The following FAF1 variants were observed in gnomAD, a reference collection of about 807,000 sequenced individuals.
The protein encoded by FAF1 is FAS-associated factor 1.
A neutral mutation model predicts 92.5 loss-of-function variants in FAF1; 25 were observed. The observed-to-expected ratio is 0.27, with a 90% confidence interval of 0.20 to 0.38. FAF1 has a LOEUF of 0.38. FAF1 is among the 10% of genes least tolerant of loss of function. The pLI, the probability that FAF1 is intolerant of heterozygous loss-of-function variation, is 1.00. For missense variants in FAF1, 636 were observed against 793.3 expected, an observed-to-expected ratio of 0.80 and a Z score of 2.38; for synonymous variants, 234 against 273.2, an observed-to-expected ratio of 0.86 and a Z score of 1.42.
chr1:50,522,210 G>A (rs527833818), intron 15 of FAF1, among the ~76,000 whole-genome samples: 1 of 152,142 alleles, frequency 6.6e-6, no homozygotes, highest in African/African-American at 2.4e-5. Context: ...ACCTAATCTT[G>A]GTAAGAGCAC....
intron 1 of FAF1, among the ~76,000 whole-genome samples, chr1:50,901,350 A>G (rs1470574604): frequency 6.6e-6 from 1 of 152,164 alleles, no homozygotes; most frequent in Non-Finnish European, 1.5e-5. Context: ...AAGTAATTTT[A>G]TTATAAATAA....
chr1:50,731,650 G>C (rs1658930281), intron 6 of FAF1, among the ~76,000 whole-genome samples: 1 of 152,064 alleles, frequency 6.6e-6, no homozygotes, highest in African/African-American at 2.4e-5. Flanking sequence ...TTACAGGCAT[G>C]AGCCACCGCG....
At chr1:50,843,200 G>A (rs902334518) in intron 2 of FAF1, among the ~76,000 whole-genome samples, 3 of 152,074 alleles carry the variant, frequency 2.0e-5, no homozygotes, top group Admixed American at 6.5e-5. Flanking sequence ...ATTGAGGGCC[G>A]TGTGTCACAT....
At chr1:50,535,260 TTCA>T in intron 15 of FAF1, 106 bp downstream of exon 15, 1 of 719,946 alleles carries the variant, frequency 1.4e-6, no homozygotes, top group Non-Finnish European at 2.3e-6. Flanking sequence ...GAAATGCATC[TTCA>T]TCATCCTTAT....
At chr1:50,659,754 A>G (rs1378297506) in intron 7 of FAF1, among the ~76,000 whole-genome samples, 1 of 152,196 alleles carries the variant, frequency 6.6e-6, no homozygotes, top group Non-Finnish European at 1.5e-5. Context: ...CTGTATTTGG[A>G]TCTAGAGTTC....
chr1:50,907,600 A>G (rs1450831042), intron 1 of FAF1, among the ~76,000 whole-genome samples: 1 of 152,118 alleles, frequency 6.6e-6, no homozygotes, highest in Non-Finnish European at 1.5e-5. Context: ...TTCCTGGTTT[A>G]GTCTTGGGAG....
intron 1 of FAF1, among the ~76,000 whole-genome samples, chr1:50,887,493 G>T (rs1333367829): frequency 6.6e-6 from 1 of 152,044 alleles, no homozygotes; most frequent in Non-Finnish European, 1.5e-5. Context: ...TTTCTTCTAG[G>T]GTTTTTATGG....
chr1:50,665,492 C>T (rs1655576812), intron 7 of FAF1, among the ~76,000 whole-genome samples: 2 of 152,138 alleles, frequency 1.3e-5, no homozygotes, highest in Admixed American at 1.3e-4. Flanking sequence ...AAATAAAATA[C>T]TGTGCGGTTA....
chr1:50,544,432 C>T (rs1288364091), intron 13 of FAF1, among the ~76,000 whole-genome samples: 1 of 152,084 alleles, frequency 6.6e-6, no homozygotes, highest in Non-Finnish European at 1.5e-5. Context: ...TCTCCAACCC[C>T]ACCCCAGGTA....
chr1:50,672,829 T>C (rs1655957150), intron 7 of FAF1, among the ~76,000 whole-genome samples: 2 of 152,140 alleles, frequency 1.3e-5, no homozygotes, highest in South Asian at 2.1e-4. Context: ...TATTTTAAAG[T>C]AGTCTGAGGC....
intron 8 of FAF1, among the ~76,000 whole-genome samples, chr1:50,631,180 T>C (rs540445860): frequency 1.5e-4 from 23 of 152,302 alleles, no homozygotes; most frequent in Admixed American, 1.0e-3. Flanking sequence ...TGTTCCATTG[T>C]TATGAAATGG....
chr1:50,810,496 A>G (rs190518922), intron 2 of FAF1, among the ~76,000 whole-genome samples: 3 of 152,304 alleles, frequency 2.0e-5, no homozygotes, highest in Admixed American at 2.0e-4. Context: ...CAAAAGATGG[A>G]AGCATTCCCC....
intron 7 of FAF1, among the ~76,000 whole-genome samples, chr1:50,660,131 C>A (rs1655308251): frequency 6.6e-6 from 1 of 152,168 alleles, no homozygotes; most frequent in African/African-American, 2.4e-5. Flanking sequence ...TCATCTCCCA[C>A]AAACTTTTCT....
intron 8 of FAF1, among the ~76,000 whole-genome samples, chr1:50,635,630 T>C (rs1653975786): frequency 6.6e-6 from 1 of 152,206 alleles, no homozygotes; most frequent in Admixed American, 6.5e-5. Context: ...TTCACCATGT[T>C]GCCCAGGCTT....
At chr1:50,956,495 T>G (rs530092995) in intron 1 of FAF1, among the ~76,000 whole-genome samples, 2 of 152,360 alleles carry the variant, frequency 1.3e-5, no homozygotes, top group South Asian at 4.1e-4. Flanking sequence ...ACAAAGATAA[T>G]ACTGAGCTCT....
At chr1:50,754,610 T>A (rs562857314) in intron 4 of FAF1, among the ~76,000 whole-genome samples, 208 of 152,324 alleles carry the variant, frequency 1.4e-3, no homozygotes, top group African/African-American at 4.8e-3. Context: ...TCTTTATCTG[T>A]AATTAAGCAT....
chr1:50,593,889 G>A (rs1651650586), intron 9 of FAF1, among the ~76,000 whole-genome samples: 1 of 151,922 alleles, frequency 6.6e-6, no homozygotes, highest in Admixed American at 6.6e-5. Context: ...TTCCATAATG[G>A]GTGTCCAAAA....
intron 7 of FAF1, among the ~76,000 whole-genome samples, chr1:50,671,826 G>C (rs1361991887): frequency 7.3e-5 from 11 of 150,188 alleles, no homozygotes; most frequent in Non-Finnish European, 1.2e-4. Context: ...TTTACTTTTA[G>C]AGACAGGGTC....
intron 4 of FAF1, among the ~76,000 whole-genome samples, chr1:50,767,072 AC>A (rs1489758753): frequency 1.3e-5 from 2 of 152,340 alleles, no homozygotes; most frequent in South Asian, 4.1e-4. Context: ...TCTAAGGAAT[AC>A]AATAAAATGA....
Sources: gnomAD v4.1 joint callset for allele counts (sites outside exome capture counted in the v4.1 genomes callset) on GRCh38, gnomAD v4.1.1 for gene constraint, MANE v1.5 for transcripts, NCBI Gene and HGNC (gene_info 2026-07-23, HGNC 2026-07-21) for gene names.